The following BCL2 variants were observed in gnomAD, a reference collection of about 807,000 sequenced individuals.
BCL2 encodes the protein apoptosis regulator Bcl-2.
BCL2 carries 1 observed loss-of-function variant against 14.2 expected under a neutral mutation model. That is an observed-to-expected ratio of 0.07 (90% CI 0.02 to 0.33). The LOEUF is 0.33. Ranked by LOEUF, BCL2 falls within the 10% of genes least tolerant of loss-of-function variation. BCL2 has a pLI of 0.99. For synonymous variants in BCL2, 151 were observed against 137.2 expected (o/e 1.10, Z -0.70); for missense variants, 247 against 305.9 (o/e 0.81, Z 1.44).
At position 63,124,681 on chromosome 18, in the gene BCL2, A is replaced by G. The variant is rs1913866184; in HGVS notation, c.*3944T>C. 1 of 230,732 alleles carries G rather than the reference A, an allele frequency of 4.3e-6. No homozygotes were observed. Among genetic ancestry groups the G allele is most frequent in the African/African-American group, 2.2e-5 (1 of 45,214 alleles). The allele number at this position is 230,732 out of a possible 1,614,324, so 14.3% of individuals were successfully genotyped here. A position where few individuals can be genotyped will look rare whatever the true frequency, so the allele number is the denominator to read the frequency against. On this transcript the variant is annotated 3_prime_UTR_variant, in exon 3 of 3. Coordinates refer to ENST00000333681, the MANE Select transcript of BCL2 (RefSeq NM_000633.3). ...CCTGAAAGATCCAAATTGAATAACA[A>G]TAAAGATCTGATTGGAACCTTCATA...
In BCL2 at chr18:63,157,864, G is replaced by C. The variant is rs1004806266; in HGVS notation, c.586-29105C>G. On this transcript the variant is annotated intron_variant, in intron 2 of 2. Transcript: ENST00000333681. ...AACAAATACCGCTCAGCACCTGTCC[G>C]GTTTCAGAGTGATGAGGGAGTTTCC... 2.0e-5 allele frequency among the ~76,000 whole-genome samples: 3 copies of C among 152,146 alleles called. No homozygotes were observed. In the East Asian group the frequency reaches 5.8e-4, roughly 29 times the overall value.
intron 2 of BCL2, among the ~76,000 whole-genome samples, chr18:63,281,734 A>AAGAAAGAAAGAAAG (rs1555707217): frequency 1.0e-4 from 15 of 144,234 alleles, no homozygotes; most frequent in African/African-American, 3.9e-4. Flanking sequence ...GAAAGAAAGA[A>AAGAAAGAAAGAAAG]AGAAAAAGAG....
intron 2 of BCL2, among the ~76,000 whole-genome samples, chr18:63,204,229 A>G (rs1013034129): frequency 5.3e-5 from 8 of 152,226 alleles, no homozygotes; most frequent in African/African-American, 1.9e-4. Flanking sequence ...GGGCTGGTTA[A>G]TTACTCCATG....
rs141442860 is a variant in BCL2 at position 63,312,165 on chromosome 18, A to G, written c.585+5917T>C. On this transcript the variant is annotated intron_variant, in intron 2 of 2. Transcript: ENST00000333681. ...CTCCCCACTTCTGCTCCCTTTTGCT[A>G]GTATCTAAGCGCATTACGGTTTTCT... Among the ~76,000 whole-genome samples, 9 of 152,316 alleles carry G rather than the reference A, an allele frequency of 5.9e-5. No individual in the cohort carries two copies. The East Asian group carries it at 1.7e-3, about 29-fold the overall frequency.
intron 2 of BCL2, among the ~76,000 whole-genome samples, chr18:63,269,134 T>A (rs1461911762): frequency 6.6e-6 from 1 of 151,906 alleles, no homozygotes; most frequent in Non-Finnish European, 1.5e-5. Context: ...TAAAAAATTC[T>A]ATAGAGATGG....
chr18:63,232,724 C>T (rs1010074202), intron 2 of BCL2, among the ~76,000 whole-genome samples: 10 of 152,178 alleles, frequency 6.6e-5, no homozygotes, highest in African/African-American at 2.4e-4. Flanking sequence ...CAACGCCTAC[C>T]AACCTTTATG....
chr18:63,253,666 C>T (rs1205578600), intron 2 of BCL2, among the ~76,000 whole-genome samples: 2 of 152,092 alleles, frequency 1.3e-5, no homozygotes, highest in African/African-American at 4.8e-5. Flanking sequence ...CTTTTACAGT[C>T]TACATATGAA....
At chr18:63,247,091 G>A (rs187249700) in intron 2 of BCL2, among the ~76,000 whole-genome samples, 6 of 152,242 alleles carry the variant, frequency 3.9e-5, no homozygotes, top group South Asian at 2.1e-4. Context: ...TTTTCTGACC[G>A]GGCTAGAAAG....
At chr18:63,165,232 T>C (rs1238529925) in intron 2 of BCL2, among the ~76,000 whole-genome samples, 1 of 152,080 alleles carries the variant, frequency 6.6e-6, no homozygotes, top group Admixed American at 6.6e-5. Context: ...TCAGGAGGAA[T>C]TTACAACCCA....
At chr18:63,237,943 A>AT (rs113841323) in intron 2 of BCL2, among the ~76,000 whole-genome samples, 112,728 of 148,868 alleles carry the variant, frequency 0.76, 43,532 homozygotes, top group Non-Finnish European at 0.86. Context: ...CCAGGGTTGG[A>AT]TTTTTTTTTT....
At chr18:63,308,621 T>C (rs1913213768) in intron 2 of BCL2, among the ~76,000 whole-genome samples, 1 of 152,204 alleles carries the variant, frequency 6.6e-6, no homozygotes, top group Admixed American at 6.5e-5. Context: ...GAGCAAAATC[T>C]AGATTTCTCT....
rs113078533 is a variant in BCL2 at position 63,251,929 on chromosome 18, C to A, written c.585+66153G>T. Among the ~76,000 whole-genome samples, 1,509 of 152,122 alleles carry A rather than the reference C, an allele frequency of 9.9e-3. 14 individuals are homozygous for A. The highest frequency in any genetic ancestry group is 0.034 in the Middle Eastern group (10 of 294). On this transcript the variant is annotated intron_variant, in intron 2 of 2. Transcript: ENST00000333681. ...GGTCAGGCTGGTCTCAAACTCCTAA[C>A]CTCAGGTGATCTACCCATGTCGACC...
intron 2 of BCL2, among the ~76,000 whole-genome samples, chr18:63,295,113 G>A (rs1029725781): frequency 3.3e-5 from 5 of 151,534 alleles, no homozygotes; most frequent in African/African-American, 1.2e-4. Flanking sequence ...GCAGTGAGCC[G>A]AGATTGTGCC....
chr18:63,286,936 A>C (rs1912491203), intron 2 of BCL2, among the ~76,000 whole-genome samples: 1 of 152,140 alleles, frequency 6.6e-6, no homozygotes, highest in South Asian at 2.1e-4. Flanking sequence ...CACGGGTCTG[A>C]ACTACAGGTC....
intron 2 of BCL2, among the ~76,000 whole-genome samples, chr18:63,137,990 C>T (rs1003439273): frequency 6.6e-6 from 1 of 152,180 alleles, no homozygotes; most frequent in African/African-American, 2.4e-5. Flanking sequence ...GGGCTGGAGA[C>T]TCATTGGCAA....
intron 2 of BCL2, among the ~76,000 whole-genome samples, chr18:63,294,302 A>T (rs1225028554): frequency 6.6e-6 from 1 of 152,182 alleles, no homozygotes; most frequent in African/African-American, 2.4e-5. Flanking sequence ...TCTACAAAAT[A>T]CAAAGCTATC....
intron 2 of BCL2, among the ~76,000 whole-genome samples, chr18:63,220,160 T>C (rs1200832227): frequency 6.6e-6 from 1 of 152,200 alleles, no homozygotes; most frequent in Non-Finnish European, 1.5e-5. Flanking sequence ...GTTGGGCTCG[T>C]GGATGAAAAC....
chr18:63,239,504 G>A (rs1910933591), intron 2 of BCL2, among the ~76,000 whole-genome samples: 1 of 152,198 alleles, frequency 6.6e-6, no homozygotes, highest in Non-Finnish European at 1.5e-5. Flanking sequence ...CCCTTTGGGA[G>A]GCCAAGATGA....
chr18:63,251,939 T>C (rs2047420072), intron 2 of BCL2, among the ~76,000 whole-genome samples: 1 of 152,092 alleles, frequency 6.6e-6, no homozygotes, highest in Non-Finnish European at 1.5e-5. Context: ...CCTCAGGTGA[T>C]CTACCCATGT....
Sources: gnomAD v4.1 joint callset for allele counts (sites outside exome capture counted in the v4.1 genomes callset) on GRCh38, gnomAD v4.1.1 for gene constraint, MANE v1.5 for transcripts, NCBI Gene and HGNC (gene_info 2026-07-23, HGNC 2026-07-21) for gene names.